GRIP1: variants seen among roughly 807,000 people sequenced by gnomAD.
The protein encoded by GRIP1 is glutamate receptor interacting protein 1.
In GRIP1, 45 loss-of-function variants were observed where a neutral mutation model predicts 129.9. The ratio of observed to expected loss-of-function variants is 0.35; its 90% CI spans 0.27 to 0.44. GRIP1 has a LOEUF of 0.44. Ranked by LOEUF, GRIP1 falls within the 20% of genes least tolerant of loss-of-function variation. The pLI is 1.00. For missense variants in GRIP1, 1,196 were observed against 1,396.8 expected (o/e 0.86, Z 2.29); for synonymous variants, 530 against 520.8 (o/e 1.02, Z -0.24).
At chr12:66,560,390 G>T (rs2062481118) in intron 2 of GRIP1, among the ~76,000 whole-genome samples, 2 of 152,126 alleles carry the variant, frequency 1.3e-5, no homozygotes, top group South Asian at 4.1e-4. Flanking sequence ...ACAACCCACA[G>T]AATGGGAGAA....
At chr12:66,681,790 C>T, upstream of GRIP1, among the ~76,000 whole-genome samples, 1 of 152,156 alleles carries the variant, frequency 6.6e-6, no homozygotes, top group South Asian at 2.1e-4. Flanking sequence ...CACCTCAATA[C>T]ATGAAAACAT....
chr12:66,914,912 T>C (rs999502866), intron 1 of GRIP1, among the ~76,000 whole-genome samples: 2 of 152,140 alleles, frequency 1.3e-5, no homozygotes, highest in African/African-American at 4.8e-5. Flanking sequence ...ATCACTTGAA[T>C]CCAGGAGTTT....
Position 66,512,055 on chromosome 12 carries a change from G to T in GRIP1, c.724+3564C>A, listed in dbSNP as rs116526318. Among the ~76,000 whole-genome samples the T allele has an allele frequency of 6.0e-3, 914 of 152,132 alleles. 8 individuals are homozygous for T. The highest frequency in any genetic ancestry group is 0.021 in the African/African-American group (868 of 41,510). ...GTGGTGCTTCCTCTTTCTCTCTCTT[G>T]TCACAATGTAAGATGTGCCTTGCTT... On this transcript the variant is annotated intron_variant, in intron 7 of 24. Transcript: ENST00000359742.
At chr12:66,368,719 A>G (rs2055295849) in intron 23 of GRIP1, among the ~76,000 whole-genome samples, 1 of 152,230 alleles carries the variant, frequency 6.6e-6, no homozygotes, top group Non-Finnish European at 1.5e-5. Context: ...CCCCAGGGGA[A>G]GAGAGCTCCA....
intron 23 of GRIP1, among the ~76,000 whole-genome samples, chr12:66,355,172 T>C (rs2054420960): frequency 6.6e-6 from 1 of 152,152 alleles, no homozygotes; most frequent in African/African-American, 2.4e-5. Context: ...AGAACTAATG[T>C]TCCCTGAGAC....
intron 1 of GRIP1, among the ~76,000 whole-genome samples, chr12:66,812,616 A>G (rs1254436278): frequency 6.6e-6 from 1 of 152,250 alleles, no homozygotes; most frequent in Non-Finnish European, 1.5e-5. Context: ...TTTAGTTACA[A>G]GTTCAAGTAA....
intron 1 of GRIP1, among the ~76,000 whole-genome samples, chr12:66,954,634 C>T (rs910758475): frequency 6.6e-6 from 1 of 152,160 alleles, no homozygotes; most frequent in Non-Finnish European, 1.5e-5. Flanking sequence ...CCACTTTCAT[C>T]GGACAGTAAT....
chr12:66,921,003 C>T (rs1003157753), intron 1 of GRIP1, among the ~76,000 whole-genome samples: 1 of 152,170 alleles, frequency 6.6e-6, no homozygotes, highest in Non-Finnish European at 1.5e-5. Context: ...CTGAACATAA[C>T]CGTCTAGGAA....
intron 1 of GRIP1, among the ~76,000 whole-genome samples, chr12:66,944,663 C>T (rs748313052): frequency 1.3e-5 from 2 of 151,980 alleles, no homozygotes; most frequent in East Asian, 1.9e-4. Flanking sequence ...ACATAAGGTC[C>T]GAAAGGGAAA....
chr12:66,423,225 T>G (rs1367786478), intron 14 of GRIP1, among the ~76,000 whole-genome samples: 1 of 152,238 alleles, frequency 6.6e-6, no homozygotes. Context: ...AGTACTCAGG[T>G]GCCTTAGTTT....
chr12:66,518,798 A>C (rs1303226852), intron 5 of GRIP1, among the ~76,000 whole-genome samples: 10 of 152,186 alleles, frequency 6.6e-5, no homozygotes, highest in Non-Finnish European at 1.2e-4. Flanking sequence ...TTTAACTTTC[A>C]TCCACTCGTC....
intron 1 of GRIP1, among the ~76,000 whole-genome samples, chr12:66,673,870 C>G (rs930453696): frequency 2.6e-5 from 4 of 152,108 alleles, no homozygotes; most frequent in East Asian, 1.9e-4. Flanking sequence ...TCCAATAAAA[C>G]AAGACAGACT....
intron 1 of GRIP1, among the ~76,000 whole-genome samples, chr12:66,898,517 T>C (rs2040790288): frequency 6.6e-6 from 1 of 152,192 alleles, no homozygotes; most frequent in Admixed American, 6.5e-5. Flanking sequence ...CTATTGATAA[T>C]TGCATTTGCT....
intron 5 of GRIP1, among the ~76,000 whole-genome samples, chr12:66,526,467 G>C (rs1258969415): frequency 6.6e-6 from 1 of 151,960 alleles, no homozygotes; most frequent in Non-Finnish European, 1.5e-5. Context: ...GGGAAAACTG[G>C]CTAGCCATAT....
At chr12:66,988,965 T>C (rs2042355083) in intron 1 of GRIP1, among the ~76,000 whole-genome samples, 1 of 152,156 alleles carries the variant, frequency 6.6e-6, no homozygotes, top group African/African-American at 2.4e-5. Context: ...TCTACAAATA[T>C]TTCCAGAAAC....
chr12:66,482,391 A>C (rs900036687), intron 7 of GRIP1, among the ~76,000 whole-genome samples: 1 of 152,204 alleles, frequency 6.6e-6, no homozygotes, highest in African/African-American at 2.4e-5. Context: ...CTTTATTTTA[A>C]TGAGCTCTAG....
Position 66,714,712 on chromosome 12 carries a change from A to G in GRIP1, c.-419-84376T>C, listed in dbSNP as rs371448110. 1.6e-3 allele frequency among the ~76,000 whole-genome samples: 242 copies of G among 152,168 alleles called. 1 individual carries two copies. The highest frequency in any genetic ancestry group is 4.5e-3 in the African/African-American group (188 of 41,546). On this transcript the variant is annotated intron_variant, in intron 1 of 4. Transcript: ENST00000538373. ...TCATTGTCTTATTTGATGAGTACTT[A>G]TTATGATGACCTCTTCAAAAGCATT...
At chr12:66,997,411 T>A (rs1440894084) in intron 1 of GRIP1, among the ~76,000 whole-genome samples, 1 of 152,058 alleles carries the variant, frequency 6.6e-6, no homozygotes, top group Non-Finnish European at 1.5e-5. Flanking sequence ...AGTGAAACCC[T>A]ATCTCAAAAA....
At chr12:66,760,449 T>C (rs2037437700) in intron 1 of GRIP1, among the ~76,000 whole-genome samples, 4 of 152,174 alleles carry the variant, frequency 2.6e-5, no homozygotes, top group Admixed American at 1.3e-4. Context: ...CTCAGAATCA[T>C]GGTGGGAGGT....
Sources: allele counts gnomAD v4.1 joint callset (sites outside exome capture counted in the v4.1 genomes callset), GRCh38; gene constraint gnomAD v4.1.1; transcripts MANE v1.5; gene names NCBI Gene and HGNC (gene_info 2026-07-23, HGNC 2026-07-21).